The following SYT9 variants were observed in gnomAD, a reference collection of about 807,000 sequenced individuals.
SYT9 encodes synaptotagmin-9.
SYT9 carries 22 observed loss-of-function variants against 48.4 expected under a neutral mutation model. The ratio of observed to expected loss-of-function variants is 0.45; its 90% CI spans 0.32 to 0.65. SYT9 has a LOEUF of 0.65. SYT9 is among the 30% of genes least tolerant of loss of function. The probability of loss-of-function intolerance (pLI) is 0.03; values close to 1 mark genes in which losing one functional copy is unlikely to be tolerated. For missense variants in SYT9, 577 were observed against 622.0 expected, an observed-to-expected ratio of 0.93 and a Z score of 0.77; for synonymous variants, 265 against 245.0, an observed-to-expected ratio of 1.08 and a Z score of -0.76.
chr11:7,286,618 G>A (rs1194528201), intron 1 of SYT9, among the ~76,000 whole-genome samples: 1 of 152,096 alleles, frequency 6.6e-6, no homozygotes, highest in African/African-American at 2.4e-5. Context: ...CTATCATATT[G>A]TCAGGCTGCA....
intron 3 of SYT9, among the ~76,000 whole-genome samples, chr11:7,322,461 T>G (rs1411608339): frequency 6.6e-6 from 1 of 152,010 alleles, no homozygotes; most frequent in Non-Finnish European, 1.5e-5. Flanking sequence ...TTTATGAGAG[T>G]CCACTGAATC....
chr11:7,322,400 T>A (rs1405215477), intron 3 of SYT9, among the ~76,000 whole-genome samples: 3 of 152,136 alleles, frequency 2.0e-5, no homozygotes, highest in African/African-American at 7.2e-5. Context: ...CCAGGTTCCT[T>A]CTATAATGTG....
At chr11:7,316,511 G>A (rs1849246493) in intron 3 of SYT9, among the ~76,000 whole-genome samples, 1 of 152,118 alleles carries the variant, frequency 6.6e-6, no homozygotes, top group East Asian at 1.9e-4. Flanking sequence ...ATATTCCATT[G>A]TATTAATATT....
At chr11:7,359,141 A>G (rs1271969590) in intron 3 of SYT9, among the ~76,000 whole-genome samples, 10 of 138,186 alleles carry the variant, frequency 7.2e-5, no homozygotes, top group East Asian at 4.3e-4. Flanking sequence ...GAGAATGATG[A>G]TTTCCAATTT....
intron 3 of SYT9, among the ~76,000 whole-genome samples, chr11:7,395,665 G>T (rs562846837): frequency 2.0e-5 from 3 of 152,080 alleles, no homozygotes; most frequent in Non-Finnish European, 2.9e-5. Context: ...AGCTACCCCT[G>T]TTCTTTTTTG....
At chr11:7,367,298 GTCTCGA>G (rs1850271808) in intron 3 of SYT9, among the ~76,000 whole-genome samples, 1 of 149,648 alleles carries the variant, frequency 6.7e-6, no homozygotes, top group East Asian at 2.0e-4. Context: ...TTTCACCGTG[GTCTCGA>G]TCTCCTGACC....
chr11:7,261,111 A>G (rs1848070348), intron 1 of SYT9, among the ~76,000 whole-genome samples: 1 of 152,242 alleles, frequency 6.6e-6, no homozygotes, highest in Non-Finnish European at 1.5e-5. Flanking sequence ...ATTTTAAAAA[A>G]TAATTGAATT....
Position 7,385,502 on chromosome 11 carries a change from AG to A in SYT9, c.1045-30538del, listed in dbSNP as rs1850641467. On this transcript the variant is annotated intron_variant, in intron 3 of 6. Transcript: ENST00000318881. ...CAAAGAGCATGCCTGGCAGTGGTGT[AG>A]GAAGGCAAATGAAAAGAATCAGATT... 2.6e-5 allele frequency among the ~76,000 whole-genome samples: 4 copies of A among 152,178 alleles called. No homozygotes were observed. The South Asian group carries it at 8.3e-4, about 32-fold the overall frequency.
At chr11:7,331,920 T>TTCAATAATAAA (rs1564865386) in intron 3 of SYT9, among the ~76,000 whole-genome samples, 1 of 152,216 alleles carries the variant, frequency 6.6e-6, no homozygotes, top group Non-Finnish European at 1.5e-5. Context: ...AGAGGAAGTC[T>TTCAATAATAAA]GTAACTATAT....
chr11:7,241,207 A>ATCAC (rs1847736025), intron 1 of SYT9, among the ~76,000 whole-genome samples: 1 of 144,110 alleles, frequency 6.9e-6, no homozygotes, highest in Admixed American at 7.0e-5. Context: ...TGTTATTTAA[A>ATCAC]ACACACACAC....
At chr11:7,399,414 T>C (rs1846834219) in intron 3 of SYT9, among the ~76,000 whole-genome samples, 4 of 152,228 alleles carry the variant, frequency 2.6e-5, no homozygotes, top group Admixed American at 2.6e-4. Context: ...ATGCTGATTA[T>C]TAAACAAGCA....
intron 6 of SYT9, among the ~76,000 whole-genome samples, chr11:7,449,196 T>C (rs550685312): frequency 6.6e-6 from 1 of 151,372 alleles, no homozygotes; most frequent in African/African-American, 2.4e-5. Context: ...ATACAAAAAT[T>C]AACCGGGCAT....
chr11:7,344,468 G>A (rs1314926888), intron 3 of SYT9, among the ~76,000 whole-genome samples: 2 of 151,944 alleles, frequency 1.3e-5, no homozygotes, highest in Non-Finnish European at 2.9e-5. Context: ...AAGAAGTCCT[G>A]GCCTAATCCA....
At chr11:7,400,776 T>C (rs1437074732) in intron 3 of SYT9, among the ~76,000 whole-genome samples, 1 of 152,150 alleles carries the variant, frequency 6.6e-6, no homozygotes, top group Non-Finnish European at 1.5e-5. Context: ...AGAAGCCACC[T>C]CCTAGTCCCT....
chr11:7,300,643 A>C (rs957493670), intron 1 of SYT9, among the ~76,000 whole-genome samples: 1 of 152,216 alleles, frequency 6.6e-6, no homozygotes, highest in Non-Finnish European at 1.5e-5. Context: ...GTAGAGAAGA[A>C]GTTTTGTCTC....
intron 3 of SYT9, among the ~76,000 whole-genome samples, chr11:7,327,985 G>A (rs1849462274): frequency 8.0e-6 from 1 of 125,190 alleles, no homozygotes; most frequent in African/African-American, 3.0e-5. Flanking sequence ...TGACGAGTTA[G>A]TGGGTGCAGC....
chr11:7,457,115 C>G (rs1848161759), intron 6 of SYT9: 3 of 152,236 alleles, frequency 2.0e-5, no homozygotes, highest in Admixed American at 1.3e-4. Flanking sequence ...TGGGGCCACA[C>G]CTAATGGCTG....
At chr11:7,259,255 CTAT>C (rs1173607698) in intron 1 of SYT9, among the ~76,000 whole-genome samples, 1 of 152,042 alleles carries the variant, frequency 6.6e-6, no homozygotes, top group Non-Finnish European at 1.5e-5. Flanking sequence ...GCCATTATTT[CTAT>C]TATTATAATT....
At chr11:7,358,978 C>A (rs1003296289) in intron 3 of SYT9, among the ~76,000 whole-genome samples, 6 of 152,106 alleles carry the variant, frequency 3.9e-5, no homozygotes, top group African/African-American at 1.4e-4. Flanking sequence ...TTAGGTATAT[C>A]TCCCAATGCT....
Sources: allele counts gnomAD v4.1 joint callset (sites outside exome capture counted in the v4.1 genomes callset), GRCh38; gene constraint gnomAD v4.1.1; transcripts MANE v1.5; gene names NCBI Gene and HGNC (gene_info 2026-07-23, HGNC 2026-07-21).